LNX1: variants seen among roughly 807,000 people sequenced by gnomAD.
LNX1 encodes E3 ubiquitin-protein ligase LNX.
A neutral mutation model predicts 68.4 loss-of-function variants in LNX1; 54 were observed. The ratio of observed to expected loss-of-function variants is 0.79; its 90% confidence interval spans 0.63 to 0.99. The LOEUF is 0.99. Ranked by LOEUF, LNX1 falls within the 50% of genes least tolerant of loss-of-function variation. The pLI, the probability that LNX1 is intolerant of heterozygous loss-of-function variation, is 0.00. For missense variants in LNX1, 906 were observed against 926.4 expected (o/e 0.98, Z 0.29); for synonymous variants, 336 against 350.0 (o/e 0.96, Z 0.45).
chr4:53,613,661 G>C (rs1429485223), intron 2 of LNX1, among the ~76,000 whole-genome samples: 1 of 152,096 alleles, frequency 6.6e-6, no homozygotes. Flanking sequence ...TGGCTGCATA[G>C]TATTCCATGG....
chr4:53,638,005 G>A (rs1296515546), intron 1 of LNX1, among the ~76,000 whole-genome samples: 5 of 152,162 alleles, frequency 3.3e-5, no homozygotes, highest in Non-Finnish European at 7.4e-5. Flanking sequence ...ATTTATCACT[G>A]ATAGATGGCA....
intron 9 of LNX1, among the ~76,000 whole-genome samples, chr4:53,464,746 G>A (rs776528128): frequency 7.3e-5 from 11 of 149,764 alleles, no homozygotes; most frequent in South Asian, 2.2e-4. Flanking sequence ...ACAATCTCAC[G>A]TAGAAATGTT....
At chr4:53,533,113 A>G (rs4864787) in intron 2 of LNX1, among the ~76,000 whole-genome samples, 146,569 of 152,314 alleles carry the variant, frequency 0.96, 70,786 homozygotes, top group Middle Eastern at 1. Flanking sequence ...TATTTGGTTA[A>G]TTAATTGCCT....
chr4:53,489,838 G>GT (rs1171035067), intron 6 of LNX1, among the ~76,000 whole-genome samples: 1 of 151,922 alleles, frequency 6.6e-6, no homozygotes, highest in East Asian at 1.9e-4. Context: ...ACAAACCATG[G>GT]TAAGACAATT....
intron 1 of LNX1, among the ~76,000 whole-genome samples, chr4:53,637,861 A>G (rs1173518653): frequency 6.6e-6 from 1 of 152,130 alleles, no homozygotes; most frequent in African/African-American, 2.4e-5. Context: ...TTAGACCACC[A>G]CTCAAAGTCG....
At chr4:53,492,142 G>A (rs1724728816) in intron 6 of LNX1, among the ~76,000 whole-genome samples, 1 of 152,142 alleles carries the variant, frequency 6.6e-6, no homozygotes, top group Non-Finnish European at 1.5e-5. Context: ...GGTAGTAATT[G>A]AAGAGTATTG....
Sources: allele counts gnomAD v4.1 joint callset (sites outside exome capture counted in the v4.1 genomes callset), GRCh38; gene constraint gnomAD v4.1.1; transcripts MANE v1.5; gene names NCBI Gene and HGNC (gene_info 2026-07-23, HGNC 2026-07-21).